Variants in TENM4 observed in about 807,000 individuals in gnomAD.
TENM4 encodes the protein teneurin-4.
In TENM4, 82 loss-of-function variants were observed where a neutral mutation model predicts 243.3. That is an observed-to-expected ratio of 0.34 (90% CI 0.28 to 0.40). TENM4 has a LOEUF of 0.40. TENM4 is among the 10% of genes least tolerant of loss of function. TENM4 has a pLI of 1.00. For missense variants in TENM4, 3,138 were observed against 3,673.3 expected, an observed-to-expected ratio of 0.85 and a Z score of 3.77; for synonymous variants, 1,412 against 1,456.3, an observed-to-expected ratio of 0.97 and a Z score of 0.69.
rs73504671 is a variant in TENM4, at chr11:79,061,042, G to A, written c.493+3696C>T. 9.6e-3 allele frequency among the ~76,000 whole-genome samples: 1,458 copies of A among 152,246 alleles called. 32 individuals carry two copies. The highest frequency in any genetic ancestry group is 0.034 in the African/African-American group (1,401 of 41,520). On this transcript the variant is annotated intron_variant, in intron 6 of 33. Coordinates refer to ENST00000278550, the MANE Select transcript of TENM4 (RefSeq NM_001098816.3). ...AGGTAAAAGAAAAGGGAGAGACAGG[G>A]TAAAAGGAACCAAGACTTTTGTCAT...
intron 6 of TENM4, among the ~76,000 whole-genome samples, chr11:78,932,965 T>C (rs1376284957): frequency 6.6e-6 from 1 of 152,140 alleles, no homozygotes. Flanking sequence ...TGGGGACTCT[T>C]GCTTTACAGA....
intron 4 of TENM4, among the ~76,000 whole-genome samples, chr11:79,132,035 C>T (rs1422376819): frequency 6.6e-6 from 1 of 151,940 alleles, no homozygotes; most frequent in Non-Finnish European, 1.5e-5. Flanking sequence ...CAAATTAAAA[C>T]AATTACTAAT....
intron 15 of TENM4, among the ~76,000 whole-genome samples, chr11:78,792,126 CTG>C (rs1003861712): frequency 1.3e-5 from 2 of 152,204 alleles, no homozygotes; most frequent in African/African-American, 4.8e-5. Flanking sequence ...ATGAAAAGCT[CTG>C]TGTACACTAT....
chr11:78,906,894 C>G (rs750588146), intron 6 of TENM4, among the ~76,000 whole-genome samples: 3 of 152,096 alleles, frequency 2.0e-5, no homozygotes, highest in Non-Finnish European at 4.4e-5. Flanking sequence ...GAATGAATAG[C>G]CATGTGAATG....
chr11:79,112,766 T>C (rs1050744769), intron 4 of TENM4, among the ~76,000 whole-genome samples: 1 of 152,174 alleles, frequency 6.6e-6, no homozygotes, highest in South Asian at 2.1e-4. Context: ...GCTGTTCCAC[T>C]TTCCTTCTCC....
chr11:79,295,007 T>C (rs1856424955), intron 2 of TENM4, among the ~76,000 whole-genome samples: 4 of 152,186 alleles, frequency 2.6e-5, no homozygotes, highest in Admixed American at 2.6e-4. Flanking sequence ...GTGCTGCTAC[T>C]GTGGGATGCA....
chr11:78,740,590 G>A (rs1033849714), intron 19 of TENM4, among the ~76,000 whole-genome samples: 2 of 152,256 alleles, frequency 1.3e-5, no homozygotes, highest in African/African-American at 4.8e-5. Context: ...AGCTGGTGCT[G>A]AGAGATGTTT....
chr11:79,426,854 T>C (rs1411791481), intron 1 of TENM4, among the ~76,000 whole-genome samples: 3 of 152,212 alleles, frequency 2.0e-5, no homozygotes, highest in Non-Finnish European at 4.4e-5. Context: ...GTTGGATATA[T>C]GAATCTAGAA....
chr11:78,706,798 T>C (rs1040198309), intron 27 of TENM4, among the ~76,000 whole-genome samples: 21 of 152,142 alleles, frequency 1.4e-4, no homozygotes, highest in African/African-American at 4.3e-4. Context: ...ATTTTGAGAA[T>C]TGAAAATACT....
intron 1 of TENM4, among the ~76,000 whole-genome samples, chr11:79,414,094 A>G (rs1858761141): frequency 6.6e-6 from 1 of 152,136 alleles, no homozygotes; most frequent in Admixed American, 6.5e-5. Flanking sequence ...AAAGGGAGAC[A>G]GATCCCTTGG....
At chr11:79,009,606 T>C (rs1858589901) in intron 6 of TENM4, among the ~76,000 whole-genome samples, 2 of 152,150 alleles carry the variant, frequency 1.3e-5, no homozygotes, top group African/African-American at 4.8e-5. Context: ...GGACCCTGAT[T>C]TTTAGGCCAT....
At chr11:78,706,631 G>A (rs1565341839) in intron 27 of TENM4, among the ~76,000 whole-genome samples, 1 of 152,228 alleles carries the variant, frequency 6.6e-6, no homozygotes, top group Admixed American at 6.5e-5. Flanking sequence ...CTGAATCTAA[G>A]TGTGGGTTTT....
At chr11:78,734,253 C>G (rs1311514324) in intron 20 of TENM4, among the ~76,000 whole-genome samples, 1 of 152,014 alleles carries the variant, frequency 6.6e-6, no homozygotes, top group Admixed American at 6.6e-5. Flanking sequence ...TGTGTCCTTT[C>G]TCTTCTTAAA....
intron 30 of TENM4, among the ~76,000 whole-genome samples, chr11:78,673,597 G>A (rs1858390415): frequency 6.6e-6 from 1 of 152,204 alleles, no homozygotes; most frequent in Non-Finnish European, 1.5e-5. Context: ...TTGGGCAAGT[G>A]CCTTCCCCTA....
intron 4 of TENM4, among the ~76,000 whole-genome samples, chr11:79,100,848 C>T (rs1400095981): frequency 2.0e-5 from 3 of 152,178 alleles, no homozygotes; most frequent in Non-Finnish European, 4.4e-5. Flanking sequence ...TCTTAACCTT[C>T]CACTCCCCTT....
intron 14 of TENM4, among the ~76,000 whole-genome samples, chr11:78,808,295 G>C (rs1857431887): frequency 6.6e-6 from 1 of 152,072 alleles, no homozygotes; most frequent in South Asian, 2.1e-4. Context: ...TAACCTAAAT[G>C]ATAAATAAGA....
rs116624618 is a variant in TENM4, at chr11:79,070,065, C to A, written c.-65-56G>T. ...GAGAGGCAGAGAACATTCCCGGGTT[C>A]ATCCTGGTCCTGGATTCACCCTTGC... is the stretch of plus-strand genomic sequence containing the variant. On this transcript the variant is annotated intron_variant, in intron 4 of 33. Coordinates refer to ENST00000278550, the MANE Select transcript of TENM4 (RefSeq NM_001098816.3). 6.6e-4 allele frequency: 954 copies of A among 1,454,818 alleles called. 9 individuals carry two copies. In the African/African-American group the frequency reaches 0.012, roughly 18 times the overall value. 90.1% of individuals were successfully genotyped at this position (1,454,818 alleles called of 1,614,324 possible). A position where few individuals can be genotyped will look rare whatever the true frequency, so the allele number is the denominator to read the frequency against.
At chr11:78,887,246 T>A (rs652979) in intron 9 of TENM4, among the ~76,000 whole-genome samples, 142,635 of 152,272 alleles carry the variant, frequency 0.94, 67,258 homozygotes, top group Non-Finnish European at 1. Context: ...CAAGTCTTTG[T>A]AAGCTCCCTT....
In TENM4 at chr11:79,400,138, CACACACA is replaced by C. The variant is rs1565330523; in HGVS notation, c.-321+40364_-321+40370del. 2.0e-3 allele frequency among the ~76,000 whole-genome samples: 297 copies of C among 151,034 alleles called. 2 individuals carry two copies. The highest frequency in any genetic ancestry group is 6.9e-3 in the African/African-American group (281 of 40,982). On this transcript the variant is annotated intron_variant, in intron 1 of 33. Coordinates refer to ENST00000278550, the MANE Select transcript of TENM4 (RefSeq NM_001098816.3). Reference sequence around the variant, plus strand: ...ACACACACACACACACACACACACACACACACACCCTCCAGGATTATTTCTCCAAGTC... The same window carrying C: ...ACACACACACACACACACACACACACCCCTCCAGGATTATTTCTCCAAGTC...
Sources: allele counts gnomAD v4.1 joint callset (sites outside exome capture counted in the v4.1 genomes callset), GRCh38; gene constraint gnomAD v4.1.1; transcripts MANE v1.5; gene names NCBI Gene and HGNC (gene_info 2026-07-23, HGNC 2026-07-21).